AFG2A: variants seen among roughly 807,000 people sequenced by gnomAD.
AFG2A encodes the protein AAA ATPase AFG2A, also known as ATPase family gene 2 protein homolog A.
the AFG2A span, among the ~76,000 whole-genome samples, chr4:123,140,692 A>G: frequency 2.6e-5 from 4 of 152,112 alleles, no homozygotes; most frequent in African/African-American, 9.7e-5. Flanking sequence ...AAACTTTGAC[A>G]AGATACTAAT....
the AFG2A span, chr4:122,929,169 C>T: frequency 2.5e-6 from 4 of 1,605,910 alleles, no homozygotes; most frequent in South Asian, 4.5e-5. Flanking sequence ...TGCTGTGCTA[C>T]AGGCTGAGGA....
chr4:122,966,791 G>T, the AFG2A span, among the ~76,000 whole-genome samples: 1 of 152,120 alleles, frequency 6.6e-6, no homozygotes, highest in Admixed American at 6.5e-5. Flanking sequence ...GCGTTATGAT[G>T]TATCTCTCCT....
At chr4:123,216,799 T>G in the AFG2A span, among the ~76,000 whole-genome samples, 1 of 151,934 alleles carries the variant, frequency 6.6e-6, no homozygotes, top group Non-Finnish European at 1.5e-5. Context: ...GGACTGCAGG[T>G]GCACACCACT....
the AFG2A span, among the ~76,000 whole-genome samples, chr4:123,144,066 T>G: frequency 1.3e-5 from 2 of 152,038 alleles, no homozygotes; most frequent in African/African-American, 4.8e-5. Context: ...AGTGGATAAA[T>G]GAATTAACTT....
chr4:123,022,518 T>G, the AFG2A span, among the ~76,000 whole-genome samples: 1 of 149,612 alleles, frequency 6.7e-6, no homozygotes, highest in African/African-American at 2.5e-5. Flanking sequence ...TGGCAATCAT[T>G]AAAAAGTCAG....
the AFG2A span, among the ~76,000 whole-genome samples, chr4:123,169,848 C>A: frequency 6.6e-6 from 1 of 152,040 alleles, no homozygotes; most frequent in Non-Finnish European, 1.5e-5. Flanking sequence ...ATATATGTAA[C>A]CTAATTGTAA....
At chr4:123,284,847 T>G in the AFG2A span, among the ~76,000 whole-genome samples, 1 of 152,206 alleles carries the variant, frequency 6.6e-6, no homozygotes, top group Non-Finnish European at 1.5e-5. Flanking sequence ...ATTAAGTTCA[T>G]ACGAATGCCA....
chr4:123,008,092 A>G, the AFG2A span, among the ~76,000 whole-genome samples: 2 of 152,190 alleles, frequency 1.3e-5, no homozygotes, highest in Non-Finnish European at 2.9e-5. Context: ...TTATAAAGAA[A>G]AGAGGTTTAT....
chr4:123,032,710 G>A, the AFG2A span, among the ~76,000 whole-genome samples: 1 of 152,214 alleles, frequency 6.6e-6, no homozygotes, highest in African/African-American at 2.4e-5. Context: ...CACCACGCCA[G>A]GCCCAAATTT....
At chr4:123,225,527 G>A in the AFG2A span, among the ~76,000 whole-genome samples, 1 of 152,124 alleles carries the variant, frequency 6.6e-6, no homozygotes, top group African/African-American at 2.4e-5. Context: ...TTATAGATAT[G>A]TGGCATTATT....
chr4:122,972,814 T>C, the AFG2A span, among the ~76,000 whole-genome samples: 2 of 152,084 alleles, frequency 1.3e-5, no homozygotes, highest in Non-Finnish European at 2.9e-5. Flanking sequence ...TTGAGTTACA[T>C]GGAGAGTTGC....
At chr4:123,003,182 T>G in the AFG2A span, among the ~76,000 whole-genome samples, 1 of 152,192 alleles carries the variant, frequency 6.6e-6, no homozygotes, top group Non-Finnish European at 1.5e-5. Flanking sequence ...TTCTCTATAT[T>G]GGTTATTCTA....
chr4:123,169,947 C>G, the AFG2A span, among the ~76,000 whole-genome samples: 2 of 152,122 alleles, frequency 1.3e-5, no homozygotes, highest in Non-Finnish European at 2.9e-5. Context: ...TTACTCTGGA[C>G]TGGAATGATC....
the AFG2A span, among the ~76,000 whole-genome samples, chr4:122,992,838 G>A: frequency 1.4e-4 from 22 of 152,136 alleles, no homozygotes; most frequent in Admixed American, 3.9e-4. Context: ...GGTCAAATGC[G>A]TTTTCTTTAC....
the AFG2A span, among the ~76,000 whole-genome samples, chr4:123,306,507 C>T: frequency 1.1e-5 from 1 of 91,092 alleles, no homozygotes; most frequent in Admixed American, 1.3e-4. Context: ...TTTACCTTTG[C>T]AAAAAGCTGT....
the AFG2A span, chr4:122,929,161 C>T: frequency 6.8e-6 from 11 of 1,611,570 alleles, no homozygotes; most frequent in South Asian, 4.4e-5. Flanking sequence ...CTTGTGGGTG[C>T]TGTGCTACAG....
chr4:123,071,077 T>C, the AFG2A span, among the ~76,000 whole-genome samples: 6 of 152,230 alleles, frequency 3.9e-5, no homozygotes, highest in Admixed American at 2.0e-4. Flanking sequence ...TTATTTCTTG[T>C]GTTGGATTAT....
the AFG2A span, among the ~76,000 whole-genome samples, chr4:123,293,430 T>C: frequency 6.6e-6 from 1 of 152,144 alleles, no homozygotes; most frequent in African/African-American, 2.4e-5. Flanking sequence ...GCTCCCTTGA[T>C]ATGGTACCCT....
chr4:123,099,385 T>C, the AFG2A span, among the ~76,000 whole-genome samples: 157 of 152,024 alleles, frequency 1.0e-3, no homozygotes, highest in African/African-American at 3.5e-3. Context: ...TTTTTTCTTT[T>C]GTTGTCTGTG....
Sources: gnomAD v4.1 joint callset for allele counts (sites outside exome capture counted in the v4.1 genomes callset) on GRCh38, gnomAD v4.1.1 for gene constraint, MANE v1.5 for transcripts, NCBI Gene and HGNC (gene_info 2026-07-23, HGNC 2026-07-21) for gene names.